Variants in GRIK2 observed in about 807,000 individuals in gnomAD.
The protein encoded by GRIK2 is glutamate receptor ionotropic, kainate 2.
In GRIK2, 32 loss-of-function variants were observed where a neutral mutation model predicts 100.3. That is an observed-to-expected ratio of 0.32 (90% CI 0.24 to 0.43). The LOEUF is 0.43. GRIK2 is among the 20% of genes least tolerant of loss of function. The pLI is 1.00. For missense variants in GRIK2, 843 were observed against 1,114.9 expected (o/e 0.76, Z 3.47); for synonymous variants, 417 against 389.4 (o/e 1.07, Z -0.83).
intron 16 of GRIK2, among the ~76,000 whole-genome samples, chr6:102,059,146 TAAAAAC>T (rs1442619330): frequency 1.3e-5 from 2 of 151,098 alleles, no homozygotes; most frequent in Non-Finnish European, 3.0e-5. Flanking sequence ...AGGTTAAAAA[TAAAAAC>T]AGAAAATAAA....
At chr6:101,743,049 C>T (rs1171023987) in intron 7 of GRIK2, among the ~76,000 whole-genome samples, 1 of 152,132 alleles carries the variant, frequency 6.6e-6, no homozygotes, top group African/African-American at 2.4e-5. Flanking sequence ...CTTCGTGGCT[C>T]TTTACGGGAA....
chr6:101,442,792 A>G (rs1352784454), intron 2 of GRIK2, among the ~76,000 whole-genome samples: 4 of 152,132 alleles, frequency 2.6e-5, no homozygotes, highest in Non-Finnish European at 5.9e-5. Context: ...CAATGTAACT[A>G]TTCACAAAAG....
chr6:101,398,065 T>G (rs1255237887), intron 1 of GRIK2, among the ~76,000 whole-genome samples: 2 of 152,122 alleles, frequency 1.3e-5, no homozygotes, highest in Admixed American at 1.3e-4. Flanking sequence ...ACCTAGTGAC[T>G]CTAAATATTC....
intron 10 of GRIK2, among the ~76,000 whole-genome samples, chr6:101,846,413 G>T (rs1396224735): frequency 2.0e-5 from 3 of 152,092 alleles, no homozygotes; most frequent in Non-Finnish European, 4.4e-5. Context: ...TTCAAGAGAT[G>T]ATTCTCATTA....
intron 7 of GRIK2, 103 bp from the exon 8 acceptor site, chr6:101,799,545 A>C: frequency 1.3e-6 from 1 of 788,712 alleles, no homozygotes; most frequent in Non-Finnish European, 2.2e-6. Flanking sequence ...GAAAAATGGG[A>C]TATATATTTC....
intron 14 of GRIK2, among the ~76,000 whole-genome samples, chr6:102,024,038 A>G (rs1769566841): frequency 6.6e-6 from 1 of 151,290 alleles, no homozygotes; most frequent in South Asian, 2.1e-4. Flanking sequence ...ATCATAGAGC[A>G]GGAAAGTTGA....
chr6:101,826,063 C>G (rs1331555956), intron 10 of GRIK2, among the ~76,000 whole-genome samples: 1 of 152,032 alleles, frequency 6.6e-6, no homozygotes, highest in African/African-American at 2.4e-5. Flanking sequence ...CAGTACCTTT[C>G]TATTCACCCC....
intron 4 of GRIK2, among the ~76,000 whole-genome samples, chr6:101,636,848 C>A (rs954070408): frequency 1.3e-5 from 2 of 152,108 alleles, no homozygotes; most frequent in African/African-American, 4.8e-5. Flanking sequence ...AGCATATTGG[C>A]ATGCACATTT....
At chr6:101,914,081 G>C (rs1012420729) in intron 12 of GRIK2, among the ~76,000 whole-genome samples, 1 of 151,278 alleles carries the variant, frequency 6.6e-6, no homozygotes, top group Non-Finnish European at 1.5e-5. Context: ...GAGGTAATTA[G>C]AGCCCACCAA....
intron 4 of GRIK2, among the ~76,000 whole-genome samples, chr6:101,653,702 A>C (rs1382779998): frequency 2.6e-5 from 4 of 151,842 alleles, no homozygotes; most frequent in Non-Finnish European, 5.9e-5. Context: ...AGCTCACTGA[A>C]ATCTCCACTT....
intron 14 of GRIK2, among the ~76,000 whole-genome samples, chr6:101,999,204 T>C (rs1380904414): frequency 6.6e-6 from 1 of 152,130 alleles, no homozygotes; most frequent in African/African-American, 2.4e-5. Context: ...TTTTCAAAAC[T>C]GTTTTCACTA....
At chr6:101,961,619 C>A (rs1368622774) in intron 14 of GRIK2, among the ~76,000 whole-genome samples, 1 of 152,096 alleles carries the variant, frequency 6.6e-6, no homozygotes, top group Non-Finnish European at 1.5e-5. Context: ...ATTTCTCATG[C>A]AATGGGCGCA....
chr6:101,784,574 G>T (rs1379386726), intron 7 of GRIK2, among the ~76,000 whole-genome samples: 2 of 152,120 alleles, frequency 1.3e-5, no homozygotes, highest in Non-Finnish European at 2.9e-5. Context: ...TTATGGCTTG[G>T]CTCTGTGTTC....
chr6:101,953,026 T>G (rs1196998325), intron 14 of GRIK2, among the ~76,000 whole-genome samples: 2 of 152,242 alleles, frequency 1.3e-5, no homozygotes, highest in Non-Finnish European at 2.9e-5. Context: ...GAATATTTAA[T>G]GTAAACAGTG....
intron 5 of GRIK2, among the ~76,000 whole-genome samples, chr6:101,681,404 A>ATTTTT (rs149557882): frequency 4.5e-5 from 5 of 111,938 alleles, no homozygotes; most frequent in Admixed American, 9.5e-5. Context: ...TTTCTTTTCT[A>ATTTTT]TTTTTTTTTT....
intron 7 of GRIK2, among the ~76,000 whole-genome samples, chr6:101,773,368 T>C (rs1778525257): frequency 6.6e-6 from 1 of 151,406 alleles, no homozygotes; most frequent in South Asian, 2.1e-4. Context: ...TAGTCTCAGC[T>C]ACTCGGGAGG....
chr6:101,753,437 T>G (rs964799709), intron 7 of GRIK2, among the ~76,000 whole-genome samples: 4 of 152,146 alleles, frequency 2.6e-5, no homozygotes, highest in Non-Finnish European at 4.4e-5. Context: ...AGATCTAGAA[T>G]TTAAACTCAC....
chr6:101,874,927 T>A (rs1358607161), intron 11 of GRIK2, among the ~76,000 whole-genome samples: 1 of 152,134 alleles, frequency 6.6e-6, no homozygotes, highest in African/African-American at 2.4e-5. Context: ...AGAATGCTTG[T>A]GATTTTTGCA....
chr6:101,484,109 A>C (rs187746749), intron 2 of GRIK2, among the ~76,000 whole-genome samples: 77 of 152,340 alleles, frequency 5.1e-4, no homozygotes, highest in African/African-American at 1.9e-3. Context: ...TACAACAGAT[A>C]GTTTTATGAG....
Sources: gnomAD v4.1 joint callset for allele counts (sites outside exome capture counted in the v4.1 genomes callset) on GRCh38, gnomAD v4.1.1 for gene constraint, MANE v1.5 for transcripts, NCBI Gene and HGNC (gene_info 2026-07-23, HGNC 2026-07-21) for gene names.